The following CBR4 variants were observed in gnomAD, a reference collection of about 807,000 sequenced individuals.
CBR4 encodes 3-oxoacyl-[acyl-carrier-protein] reductase.
Under a neutral mutation model 21.0 loss-of-function variants are expected in CBR4, and 22 were observed. That is an observed-to-expected ratio of 1.05 (90% CI 0.75 to 1.50). CBR4 has a LOEUF of 1.50. Among genes scored for constraint, CBR4 ranks in the 40% most tolerant of loss-of-function variants. CBR4 has a pLI of 0.00. For synonymous variants in CBR4, 100 were observed against 104.4 expected, an observed-to-expected ratio of 0.96 and a Z score of 0.26; for missense variants, 302 against 286.3, an observed-to-expected ratio of 1.05 and a Z score of -0.40.
At chr4:168,931,328 T>TGCCCAG (rs1762963856) in intron 2 of CBR4, among the ~76,000 whole-genome samples, 2 of 152,096 alleles carry the variant, frequency 1.3e-5, no homozygotes, top group African/African-American at 4.8e-5. Context: ...AGTGGAACTG[T>TGCCCAG]GCCCAGGCTA....
intron 2 of CBR4, chr4:168,921,492 G>T: frequency 7.2e-7 from 1 of 1,380,972 alleles, no homozygotes; most frequent in Non-Finnish European, 1.0e-6. Context: ...ATTTCACTCT[G>T]TTTTAATACA....
At position 168,988,361 on chromosome 4, in the gene CBR4, C is replaced by T. The variant is rs1391606548; in HGVS notation, c.*1789G>A. On this transcript the variant is annotated 3_prime_UTR_variant, in exon 5 of 5. Coordinates refer to ENST00000306193, the MANE Select transcript of CBR4 (RefSeq NM_032783.5). Reference sequence around the variant, plus strand: ...AAAGGCTAAACCTATCTATAACCTACATCTTAATGTCAGCAAAACATACTG... The same window carrying T: ...AAAGGCTAAACCTATCTATAACCTATATCTTAATGTCAGCAAAACATACTG... 1 of 985,278 alleles carries T rather than the reference C, an allele frequency of 1.0e-6. No homozygotes were observed. The highest frequency in any genetic ancestry group is 1.7e-5 in the African/African-American group (1 of 57,234). 61.0% of individuals were successfully genotyped at this position (985,278 alleles called of 1,614,324 possible). A position where few individuals can be genotyped will look rare whatever the true frequency, so the allele number is the denominator to read the frequency against.
chr4:168,970,870 T>C (rs987899891), intron 2 of CBR4, among the ~76,000 whole-genome samples: 1 of 152,062 alleles, frequency 6.6e-6, no homozygotes, highest in Non-Finnish European at 1.5e-5. Context: ...CTTCATCTAC[T>C]CGTTGGTTGA....
chr4:168,913,713 T>C (rs111309699), intron 2 of CBR4, among the ~76,000 whole-genome samples: 5 of 152,092 alleles, frequency 3.3e-5, no homozygotes, highest in African/African-American at 7.2e-5. Flanking sequence ...AAAAAAGACC[T>C]TGTCACCTTC....
chr4:169,001,254 G>A (rs1730404660), intron 4 of CBR4: 2 of 151,484 alleles, frequency 1.3e-5, no homozygotes, highest in African/African-American at 4.9e-5. Flanking sequence ...TCCCACATGA[G>A]CTACCATACC....
At chr4:168,918,849 G>A (rs1052254286) in intron 2 of CBR4, among the ~76,000 whole-genome samples, 1 of 152,060 alleles carries the variant, frequency 6.6e-6, no homozygotes, top group Admixed American at 6.5e-5. Flanking sequence ...AACGTTTTGA[G>A]TTAACCAGGG....
intron 2 of CBR4, among the ~76,000 whole-genome samples, chr4:168,979,637 G>A (rs1764480591): frequency 6.6e-6 from 1 of 152,156 alleles, no homozygotes; most frequent in Admixed American, 6.5e-5. Context: ...CCTCCAGCAT[G>A]TCGCAGCCAC....
At chr4:168,979,078 G>C (rs1006823912) in intron 2 of CBR4, among the ~76,000 whole-genome samples, 1 of 151,728 alleles carries the variant, frequency 6.6e-6, no homozygotes, top group Non-Finnish European at 1.5e-5. Flanking sequence ...CAGAAAAAGA[G>C]GCCACACTAT....
chr4:168,998,991 A>C (rs185726083), intron 4 of CBR4, among the ~76,000 whole-genome samples: 2 of 152,292 alleles, frequency 1.3e-5, no homozygotes, highest in Admixed American at 1.3e-4. Flanking sequence ...TTATCTATTC[A>C]AAACACATAT....
Position 168,921,812 on chromosome 4 carries a change from C to A in CBR4, n.170-27047G>T, listed in dbSNP as rs1295799624. On this transcript the variant is annotated intron_variant and non_coding_transcript_variant, in intron 2 of 3. Transcript: ENST00000509108. ...GACTTACAAATGTAAACTAATTCTA[C>A]ATTACTAACCAATACGGAAAATAAA... The A allele has an allele frequency of 4.3e-6, 5 of 1,164,878 alleles. No homozygotes were observed. In the Admixed American group the frequency reaches 5.1e-5, roughly 12 times the overall value. 72.2% of individuals were successfully genotyped at this position (1,164,878 alleles called of 1,614,324 possible).
intron 4 of CBR4, among the ~76,000 whole-genome samples, chr4:168,992,198 G>A (rs1046684090): frequency 1.3e-5 from 2 of 152,156 alleles, no homozygotes; most frequent in Admixed American, 6.5e-5. Flanking sequence ...CAAGCTGAAT[G>A]TCTTTCAATA....
intron 4 of CBR4, among the ~76,000 whole-genome samples, chr4:168,998,792 C>A (rs931554039): frequency 5.9e-5 from 9 of 152,052 alleles, no homozygotes; most frequent in African/African-American, 2.2e-4. Flanking sequence ...AAGGAAGATA[C>A]AGAAAGCTGT....
rs188738335 is a variant in CBR4, at chr4:168,999,821, A to G, written c.535+2250T>C. On this transcript the variant is annotated intron_variant, in intron 4 of 4. Coordinates refer to ENST00000306193, the MANE Select transcript of CBR4 (RefSeq NM_032783.5). Reference sequence around the variant, plus strand: ...AAATTAAGCATTCTTTCCTTCTTCAACATTTCTATAGCACCATATATGTAC... The same window carrying G: ...AAATTAAGCATTCTTTCCTTCTTCAGCATTTCTATAGCACCATATATGTAC... Among the ~76,000 whole-genome samples the G allele has an allele frequency of 1.5e-3, 229 of 152,280 alleles. 1 individual carries two copies. Among genetic ancestry groups the G allele is most frequent in the African/African-American group, 5.4e-3 (224 of 41,558 alleles).
At chr4:168,985,670 T>A (rs1025278851), downstream of CBR4, among the ~76,000 whole-genome samples, 8 of 152,232 alleles carry the variant, frequency 5.3e-5, no homozygotes, top group African/African-American at 1.4e-4. Flanking sequence ...GAAAATGTGG[T>A]ACATATGCAC....
rs1324020366 is a variant in CBR4 at position 168,924,303 on chromosome 4, C to T, written n.170-29538G>A. On this transcript the variant is annotated intron_variant and non_coding_transcript_variant, in intron 2 of 3. Transcript: ENST00000509108. ...GTGTTTATTGAGAAGCTCCAAAACACAGGAGTTGCTGATGGGTACCCAGTG... is the reference window on the plus strand; with the variant it reads ...GTGTTTATTGAGAAGCTCCAAAACATAGGAGTTGCTGATGGGTACCCAGTG... 4 of 1,613,960 alleles carry T rather than the reference C, an allele frequency of 2.5e-6. No individual in the cohort carries two copies. The highest frequency in any genetic ancestry group is 1.3e-5 in the African/African-American group (1 of 75,012).
intron 2 of CBR4, among the ~76,000 whole-genome samples, chr4:169,007,164 C>T (rs909592399): frequency 1.3e-5 from 2 of 152,102 alleles, no homozygotes; most frequent in African/African-American, 4.8e-5. Flanking sequence ...TAACATATAG[C>T]CAAAATAGTT....
At chr4:169,003,339 G>A (rs530794669) in intron 3 of CBR4, among the ~76,000 whole-genome samples, 1 of 152,314 alleles carries the variant, frequency 6.6e-6, no homozygotes, top group South Asian at 2.1e-4. Flanking sequence ...CAAGACTTCA[G>A]TGGAGCAGAA....
intron 2 of CBR4, among the ~76,000 whole-genome samples, chr4:168,975,203 C>G (rs575312583): frequency 2.0e-5 from 3 of 152,166 alleles, no homozygotes; most frequent in African/African-American, 7.2e-5. Context: ...TTCAGGGCTA[C>G]CAGACTCCAG....
rs1241291269 is a variant in CBR4, at chr4:168,918,335, T to TATATAC, written n.170-23576_170-23571dup. Among the ~76,000 whole-genome samples the TATATAC allele has an allele frequency of 3.8e-4, 57 of 151,296 alleles. 1 individual carries two copies. Among genetic ancestry groups the TATATAC allele is most frequent in the Non-Finnish European group, 1.0e-4 (7 of 67,842 alleles). Reference sequence around the variant, plus strand: ...ATAAAGAAAATATGAGATATATATATATATACATACATACACACACAGTGG... The same window carrying TATATAC: ...ATAAAGAAAATATGAGATATATATATATATACATATACATACATACACACACAGTGG... On this transcript the variant is annotated intron_variant and non_coding_transcript_variant, in intron 2 of 3. Transcript: ENST00000509108.
Sources: gnomAD v4.1 joint callset for allele counts (sites outside exome capture counted in the v4.1 genomes callset) on GRCh38, gnomAD v4.1.1 for gene constraint, MANE v1.5 for transcripts, NCBI Gene and HGNC (gene_info 2026-07-23, HGNC 2026-07-21) for gene names.